MYLK: variants seen among roughly 807,000 people sequenced by gnomAD.
The protein encoded by MYLK is myosin light chain kinase.
Under a neutral mutation model 203.4 loss-of-function variants are expected in MYLK, and 106 were observed. That is an observed-to-expected ratio of 0.52 (90% confidence interval 0.45 to 0.61). MYLK has a LOEUF of 0.61. MYLK is among the 20% of genes least tolerant of loss of function. The pLI is 0.00. For synonymous variants in MYLK, 867 were observed against 959.5 expected, an observed-to-expected ratio of 0.90 and a Z score of 1.78; for missense variants, 2,072 against 2,442.3, an observed-to-expected ratio of 0.85 and a Z score of 3.20.
intron 24 of MYLK, among the ~76,000 whole-genome samples, chr3:123,650,465 G>A (rs540586173): frequency 1.5e-4 from 23 of 152,140 alleles, no homozygotes; most frequent in South Asian, 1.2e-3. Context: ...GTGTGAGTGC[G>A]GGTGTACCGG....
chr3:123,625,676 T>C (rs1196479236), intron 31 of MYLK, among the ~76,000 whole-genome samples: 5 of 150,892 alleles, frequency 3.3e-5, no homozygotes, highest in East Asian at 3.9e-4. Context: ...GGCGTGGTGG[T>C]GGGCGCCTGT....
At chr3:123,637,338 C>A (rs1398479558) in intron 29 of MYLK, among the ~76,000 whole-genome samples, 1 of 152,106 alleles carries the variant, frequency 6.6e-6, no homozygotes, top group African/African-American at 2.4e-5. Flanking sequence ...AACCTAGAGC[C>A]TGTTAGAAAT....
At chr3:123,731,486 GT>G (rs1223699095) in intron 11 of MYLK, among the ~76,000 whole-genome samples, 1 of 152,152 alleles carries the variant, frequency 6.6e-6, no homozygotes, top group Non-Finnish European at 1.5e-5. Flanking sequence ...TCTTGAACAT[GT>G]TTTAGCATCA....
intron 33 of MYLK, chr3:123,618,217 G>T (rs1045751181): frequency 4.1e-6 from 1 of 244,060 alleles, no homozygotes; most frequent in East Asian, 1.1e-4. Context: ...GCCTGTGGAC[G>T]AGTAGCAGAG....
chr3:123,771,857 A>C (rs1489998695), intron 4 of MYLK, among the ~76,000 whole-genome samples: 2 of 152,208 alleles, frequency 1.3e-5, no homozygotes, highest in East Asian at 1.9e-4. Context: ...TAATTTATTG[A>C]GCACTGAAAG....
At chr3:123,762,641 T>C (rs2108936477) in intron 4 of MYLK, among the ~76,000 whole-genome samples, 1 of 152,338 alleles carries the variant, frequency 6.6e-6, no homozygotes, top group East Asian at 1.9e-4. Context: ...CATTAGAAGG[T>C]GTGGCTCAGG....
At position 123,677,864 on chromosome 3, in the gene MYLK, T is replaced by G. The variant is rs186965266; in HGVS notation, c.3652+4360A>C. ...CTAAAATGGTAGGTACCTATCTCTATCTAAATGAATAAATAAATGAATATA... is the reference window on the plus strand; with the variant it reads ...CTAAAATGGTAGGTACCTATCTCTAGCTAAATGAATAAATAAATGAATATA... On this transcript the variant is annotated intron_variant, in intron 20 of 33. Transcript: ENST00000360304. Among the ~76,000 whole-genome samples, 14 of 129,636 alleles carry G rather than the reference T, an allele frequency of 1.1e-4. No homozygotes were observed. In the South Asian group the frequency reaches 3.5e-3, roughly 33 times the overall value. 85.0% of individuals were successfully genotyped at this position (129,636 alleles called of 152,430 possible).
intron 16 of MYLK, among the ~76,000 whole-genome samples, chr3:123,705,499 C>T (rs559234234): frequency 5.9e-5 from 9 of 152,312 alleles, no homozygotes; most frequent in African/African-American, 1.9e-4. Context: ...TGAACTTGGG[C>T]TCTGTTACTT....
At chr3:123,763,233 A>G (rs1315367694) in intron 4 of MYLK, among the ~76,000 whole-genome samples, 1 of 152,238 alleles carries the variant, frequency 6.6e-6, no homozygotes, top group African/African-American at 2.4e-5. Flanking sequence ...CATTCTTCTC[A>G]GTAATGGTCA....
chr3:123,614,319 T>G lies in MYLK; in HGVS notation c.5531A>C (p.Lys1844Thr). ...GGACTCCCTGATTGACTGGTCATCT[T>G]TGAACCAGACAACCTCGGGGTCTGG... ...GYPDPEVVWF[K>T]DDQSIRESRH... is the part of the protein sequence containing the mutation. The change falls in exon 34 of 34, where the codon AAA (lysine) becomes ACA (threonine). Residue 1844 changes from lysine to threonine, a missense_variant. Coordinates refer to ENST00000360304, the MANE Select transcript of MYLK (RefSeq NM_053025.4). The G allele has an allele frequency of 6.2e-7, 1 of 1,614,174 alleles. No homozygotes were observed. Among genetic ancestry groups the G allele is most frequent in the Non-Finnish European group, 8.5e-7 (1 of 1,180,026 alleles).
At chr3:123,722,909 C>T (rs767143974) in intron 12 of MYLK, among the ~76,000 whole-genome samples, 17 of 151,414 alleles carry the variant, frequency 1.1e-4, no homozygotes, top group African/African-American at 3.9e-4. Flanking sequence ...CTAAAAATGA[C>T]TCGGCTCCTT....
chr3:123,771,102 C>A (rs903658824), intron 4 of MYLK, among the ~76,000 whole-genome samples: 3 of 152,178 alleles, frequency 2.0e-5, no homozygotes, highest in African/African-American at 7.2e-5. Context: ...CTGTAAATAA[C>A]CTTTGTGCTA....
intron 22 of MYLK, among the ~76,000 whole-genome samples, chr3:123,665,606 A>C (rs1301238114): frequency 6.6e-6 from 1 of 152,202 alleles, no homozygotes; most frequent in African/African-American, 2.4e-5. Flanking sequence ...ATACAGGCAC[A>C]CACTACCACC....
chr3:123,631,611 T>C (rs573883885), intron 29 of MYLK, among the ~76,000 whole-genome samples: 2 of 152,328 alleles, frequency 1.3e-5, no homozygotes, highest in South Asian at 4.1e-4. Flanking sequence ...AGGAACCCTC[T>C]GGTGAAACCT....
chr3:123,664,024 C>T, intron 23 of MYLK, 81 bp downstream of exon 23: 2 of 1,591,056 alleles, frequency 1.3e-6, no homozygotes, highest in South Asian at 2.2e-5. Context: ...GTGATGAAGT[C>T]CTGAGGCCCA....
chr3:123,808,074 G>T (rs954108925), intron 3 of MYLK, among the ~76,000 whole-genome samples: 1 of 152,214 alleles, frequency 6.6e-6, no homozygotes, highest in Non-Finnish European at 1.5e-5. Flanking sequence ...ACCTGCCAGG[G>T]TCATCAGCTC....
intron 28 of MYLK, chr3:123,638,806 C>G: frequency 1.0e-6 from 1 of 985,400 alleles, no homozygotes; most frequent in Non-Finnish European, 1.2e-6. Flanking sequence ...GTAGGGTAGT[C>G]GGGAGAGGCT....
intron 33 of MYLK, among the ~76,000 whole-genome samples, chr3:123,614,781 C>G (rs114072003): frequency 6.6e-6 from 1 of 151,568 alleles, no homozygotes; most frequent in Non-Finnish European, 1.5e-5. Context: ...CATGAGCGAC[C>G]GTGCTCAGTT....
At chr3:123,720,525 G>T (rs780762162) in intron 13 of MYLK, among the ~76,000 whole-genome samples, 21 of 152,194 alleles carry the variant, frequency 1.4e-4, no homozygotes, top group Non-Finnish European at 2.9e-4. Flanking sequence ...GAGCCCCCAG[G>T]TGAGTCCTGC....
Sources: allele counts gnomAD v4.1 joint callset (sites outside exome capture counted in the v4.1 genomes callset), GRCh38; gene constraint gnomAD v4.1.1; transcripts MANE v1.5; gene names NCBI Gene and HGNC (gene_info 2026-07-23, HGNC 2026-07-21).